Variants in SCN4A observed in about 807,000 individuals in gnomAD.
The protein encoded by SCN4A is sodium channel protein type 4 subunit alpha.
In SCN4A, 83 loss-of-function variants were observed where a neutral mutation model predicts 162.0. The ratio of observed to expected loss-of-function variants is 0.51; its 90% CI spans 0.43 to 0.61. The LOEUF (loss-of-function observed/expected upper bound fraction) is 0.61. Ranked by LOEUF, SCN4A falls within the 20% of genes least tolerant of loss-of-function variation. SCN4A has a pLI of 0.00. For missense variants in SCN4A, 2,196 were observed against 2,462.5 expected (o/e 0.89, Z 2.29); for synonymous variants, 944 against 985.1 (o/e 0.96, Z 0.78).
At chr17:63,958,138 A>G (rs1007694808) in intron 12 of SCN4A, among the ~76,000 whole-genome samples, 2 of 152,130 alleles carry the variant, frequency 1.3e-5, no homozygotes, top group Non-Finnish European at 2.9e-5. Context: ...GGGAGGCCGA[A>G]GAAGGTGCAT....
Position 63,943,801 on chromosome 17 carries a change from T to C in SCN4A, c.3962A>G (p.Asn1321Ser), listed in dbSNP as rs1351970078. ...CTTGGAGCCAAGCTTCTTCATGGCG[T>C]TATAGTATTTCTTCTGTTCCTCCGT... ...FMTEEQKKYY[N>S]AMKKLGSKKP... The change falls in exon 22 of 24, where the codon AAC becomes AGC. Residue 1321 changes from asparagine (N) to serine (S), a missense_variant. By Grantham distance (46) the Asn-to-Ser change is conservative. Coordinates refer to ENST00000435607, the MANE Select transcript of SCN4A (RefSeq NM_000334.4). 1.9e-6 allele frequency: 3 copies of C among 1,613,374 alleles called. No individual in the cohort carries two copies. The highest frequency in any genetic ancestry group is 1.7e-5 in the Admixed American group (1 of 59,996).
Position 63,942,851 on chromosome 17 carries a change from G to A in SCN4A, c.4263C>T (p.Phe1421=), listed in dbSNP as rs267604989. 2.7e-5 allele frequency: 43 copies of A among 1,613,836 alleles called. No individual in the cohort carries two copies. Among genetic ancestry groups the A allele is most frequent in the East Asian group, 4.5e-5 (2 of 44,896 alleles). The part of the protein sequence containing the change: ...YFTVGWNIFD[F]VVVILSIVGL... ...CCACAATGGACAGGATGACGACCAC[G>A]AAGTCAAAGATGTTCCAGCCAACGG... The change falls in exon 23 of 24, where the codon TTC becomes TTT. Residue 1421 remains phenylalanine, a synonymous_variant. Transcript: ENST00000435607.
chr17:63,940,556 A>G lies in SCN4A; in HGVS notation c.*215T>C. Reference sequence around the variant, plus strand: ...TGGAGGCAGGGGCCTCAGACCCAGCATGGAGCCCCTGAGCGCAATTCCCAT... The same window carrying G: ...TGGAGGCAGGGGCCTCAGACCCAGCGTGGAGCCCCTGAGCGCAATTCCCAT... On this transcript the variant is annotated 3_prime_UTR_variant, in exon 24 of 24. Transcript: ENST00000435607. 1 of 513,640 alleles carries G rather than the reference A, an allele frequency of 1.9e-6. No individual in the cohort carries two copies. Among genetic ancestry groups the G allele is most frequent in the Non-Finnish European group, 3.3e-6 (1 of 301,152 alleles). 31.8% of individuals were successfully genotyped at this position (513,640 alleles called of 1,614,324 possible).
At position 63,944,564 on chromosome 17, in the gene SCN4A, TG is replaced by T; in HGVS notation, c.3912+108del. The stretch of plus-strand genomic sequence containing the variant: ...AAGCTAGCTGCCTGAACCAACAACC[TG>T]GTAGGTGCTCAGGCAGCGTTTGTGG... On this transcript the variant is annotated intron_variant, in intron 21 of 23. Coordinates refer to ENST00000435607, the MANE Select transcript of SCN4A (RefSeq NM_000334.4). This position sits in a 1 kb window ranked among gnomAD's most constrained non-coding sequence, Gnocchi z 4.3. The T allele has an allele frequency of 7.9e-7, 1 of 1,258,100 alleles. No individual in the cohort carries two copies. Among genetic ancestry groups the T allele is most frequent in the Non-Finnish European group, 1.1e-6 (1 of 911,774 alleles). The allele number at this position is 1,258,100 out of a possible 1,614,324, so 77.9% of individuals were successfully genotyped here. A position where few individuals can be genotyped will look rare whatever the true frequency, so the allele number is the denominator to read the frequency against.
rs150506936 is a variant in SCN4A at position 63,967,558 on chromosome 17, C to T, written c.1036+465G>A. ...TGAGGATTCGGAGGGCTGGGGAGAT[C>T]AAGTGACTAGTCAGAGGTGACACAG... On this transcript the variant is annotated intron_variant, in intron 6 of 23. Transcript: ENST00000435607. Among the ~76,000 whole-genome samples, 4 of 152,236 alleles carry T rather than the reference C, an allele frequency of 2.6e-5. No individual in the cohort carries two copies. In the East Asian group the frequency reaches 7.7e-4, roughly 29 times the overall value.
chr17:63,959,488 C>T, intron 11 of SCN4A, 50 bp from the exon 12 acceptor site: 1 of 1,567,118 alleles, frequency 6.4e-7, no homozygotes, highest in Non-Finnish European at 8.7e-7. Context: ...AGCCCAGGGC[C>T]CTGGAAGTCT....
intron 9 of SCN4A, 125 bp from the exon 10 acceptor site, chr17:63,963,950 A>T: frequency 1.0e-6 from 1 of 980,578 alleles, no homozygotes; most frequent in Non-Finnish European, 1.5e-6. Flanking sequence ...CCTGTGTCAA[A>T]CTTAGTGCAG....
At chr17:63,964,717 G>A (rs770490385) in intron 8 of SCN4A, 40 bp from the exon 9 acceptor site, 7 of 1,526,810 alleles carry the variant, frequency 4.6e-6, no homozygotes, top group South Asian at 2.4e-5. Context: ...GTCCCATGAC[G>A]TCCACCTCCT....
Position 63,971,324 on chromosome 17 carries a change from C to T in SCN4A, c.612-71G>A, listed in dbSNP as rs1909603030. ...GGGTGGTAGGACAGAAATCAGGGCT[C>T]CTCCAGGCCTGGGATGAGGATTCCC... On this transcript the variant is annotated intron_variant, in intron 4 of 23. Coordinates refer to ENST00000435607, the MANE Select transcript of SCN4A (RefSeq NM_000334.4). 7 of 846,460 alleles carry T rather than the reference C, an allele frequency of 8.3e-6. No homozygotes were observed. In the East Asian group the frequency reaches 1.6e-4, roughly 19 times the overall value. 52.4% of individuals were successfully genotyped at this position (846,460 alleles called of 1,614,324 possible).
intron 16 of SCN4A, 85 bp from the exon 17 acceptor site, chr17:63,948,148 G>T: frequency 8.8e-7 from 1 of 1,137,224 alleles, no homozygotes; most frequent in Non-Finnish European, 1.2e-6. Flanking sequence ...TATGCTGCTG[G>T]TTCCCGGGGG....
In SCN4A at chr17:63,947,107, A is replaced by T; in HGVS notation, c.3379T>A (p.Ser1127Thr). Residue 1127 changes from serine to threonine, a missense_variant, in exon 18 of 24, where the codon TCC becomes ACC. Coordinates refer to ENST00000435607, the MANE Select transcript of SCN4A (RefSeq NM_000334.4). ...CGCAGGGCCCGCAGTGTCCGCAGGG[A>T]TTTGATGGGTCCCAGCTCCGAGTAG... ...LGYSELGPIKSLRTLRALRPL... is the reference protein window; with the variant it reads ...LGYSELGPIKTLRTLRALRPL... The T allele has an allele frequency of 6.4e-7, 1 of 1,566,562 alleles. No individual in the cohort carries two copies. The highest frequency in any genetic ancestry group is 1.7e-5 in the Admixed American group (1 of 58,356).
rs1567819951 is a variant in SCN4A at position 63,949,499 on chromosome 17, G to GT, written c.2882dup (p.Asn961LysfsTer9). ...AGTCAGCTGTGCTGCAGACGGACGA[G>GT]TTCCCATCATAGAGAGGCTGCGGCG... On this transcript the variant is annotated frameshift_variant, in exon 15 of 24. Coordinates refer to ENST00000435607, the MANE Select transcript of SCN4A (RefSeq NM_000334.4). LOFTEE classifies it high-confidence loss of function. 1 of 1,612,292 alleles carries GT rather than the reference G, an allele frequency of 6.2e-7. No individual in the cohort carries two copies. The highest frequency in any genetic ancestry group is 8.5e-7 in the Non-Finnish European group (1 of 1,178,822).
chr17:63,940,121 T>C lies in SCN4A; in HGVS notation c.*650A>G, dbSNP rs1908472499. On this transcript the variant is annotated 3_prime_UTR_variant, in exon 24 of 24. Transcript: ENST00000435607. ...TAGGAAGAGGTTTCAGGAGTCACCA[T>C]CCCAGCCCAAAGCAGCAGGATCCAG... The C allele has an allele frequency of 6.6e-6, 1 of 152,248 alleles. No individual in the cohort carries two copies. The highest frequency in any genetic ancestry group is 2.1e-4 in the South Asian group (1 of 4,832). The allele number at this position is 152,248 out of a possible 1,614,324, so 9.4% of individuals were successfully genotyped here.
chr17:63,942,736 G>T, intron 23 of SCN4A, 90 bp downstream of exon 23: 1 of 1,320,138 alleles, frequency 7.6e-7, no homozygotes, highest in Non-Finnish European at 1.0e-6. Context: ...AGCGTGTGAG[G>T]GTGCAGGGGC....
Position 63,966,287 on chromosome 17 carries a change from T to C in SCN4A, c.1101-44A>G, listed in dbSNP as rs1266227132. 4.4e-6 allele frequency: 7 copies of C among 1,582,178 alleles called. No homozygotes were observed. In the East Asian group the frequency reaches 1.1e-4, roughly 26 times the overall value. ...GCTGGGTTTAGGGTGGGAGGAGCAC[T>C]CCAGCTGGGGGCAGATAGGGACCCC... On this transcript the variant is annotated intron_variant, in intron 7 of 23. Coordinates refer to ENST00000435607, the MANE Select transcript of SCN4A (RefSeq NM_000334.4).
Position 63,943,742 on chromosome 17 carries a change from G to A in SCN4A, c.4017+4C>T. On this transcript the variant is annotated splice_donor_region_variant and intron_variant, in intron 22 of 23. Coordinates refer to ENST00000435607, the MANE Select transcript of SCN4A (RefSeq NM_000334.4). ...CACAGGACAGGGGGCCCAGAGGTCT[G>A]TACCTGGGGCCGGGGAATTGGCTTC... The A allele has an allele frequency of 1.9e-6, 3 of 1,593,164 alleles. No homozygotes were observed. Among genetic ancestry groups the A allele is most frequent in the Non-Finnish European group, 2.6e-6 (3 of 1,161,230 alleles).
chr17:63,943,935 C>T (rs1908630069), intron 21 of SCN4A, 85 bp from the exon 22 acceptor site: 1 of 814,012 alleles, frequency 1.2e-6, no homozygotes, highest in Admixed American at 2.0e-5. Flanking sequence ...GGGCACCTCA[C>T]CTTTAAGGCA....
rs754258948 is a variant in SCN4A, at chr17:63,971,244, T to C, written c.621A>G (p.Thr207=). ...DFSVIMMAYL[T]EFVDLGNISA... is the part of the protein sequence containing the mutation. ...AGATGTTGCCCAAGTCCACAAACTC[T>C]GTCAGGTACCTGGGTAGGGGGTGGA... Residue 207 remains threonine (T), a synonymous_variant, in exon 5 of 24, where the codon ACA becomes ACG. Coordinates refer to ENST00000435607, the MANE Select transcript of SCN4A (RefSeq NM_000334.4). 2.6e-6 allele frequency: 4 copies of C among 1,511,424 alleles called. No homozygotes were observed. Among genetic ancestry groups the C allele is most frequent in the Non-Finnish European group, 3.6e-6 (4 of 1,119,028 alleles). 93.6% of individuals were successfully genotyped at this position (1,511,424 alleles called of 1,614,324 possible). A position where few individuals can be genotyped will look rare whatever the true frequency, so the allele number is the denominator to read the frequency against.
Position 63,948,019 on chromosome 17 carries a change from G to A in SCN4A, c.3189C>T (p.Thr1063=). ...IYIEQRRVIR[T]ILEYADKVFT... is the part of the protein sequence containing the mutation. ...AGACCTTGTCGGCATATTCTAGGAT[G>A]GTGCGAATGACTCGCCGCTGCTCAA... Residue 1063 remains threonine (T), a synonymous_variant, in exon 17 of 24, where the codon ACC becomes ACT. Coordinates refer to ENST00000435607, the MANE Select transcript of SCN4A (RefSeq NM_000334.4). 1 of 1,612,758 alleles carries A rather than the reference G, an allele frequency of 6.2e-7. No individual in the cohort carries two copies. The highest frequency in any genetic ancestry group is 8.5e-7 in the Non-Finnish European group (1 of 1,178,974).
Sources: gnomAD v4.1 joint callset for allele counts (sites outside exome capture counted in the v4.1 genomes callset) on GRCh38, gnomAD v4.1.1 for gene constraint, Gnocchi (gnomAD v3.1) non-coding constraint, MANE v1.5 for transcripts, NCBI Gene and HGNC (gene_info 2026-07-23, HGNC 2026-07-21) for gene names.